The following DMD variants were observed in gnomAD, a reference collection of about 807,000 sequenced individuals.
DMD encodes the protein mutant dystrophin.
DMD carries 63 observed loss-of-function variants against 330.1 expected under a neutral mutation model. The observed-to-expected ratio is 0.19, with a 90% confidence interval of 0.16 to 0.24. The LOEUF (loss-of-function observed/expected upper bound fraction) is 0.24. Among genes scored for constraint, DMD ranks in the 10% least tolerant of loss-of-function variants. DMD has a pLI of 1.00. For synonymous variants in DMD, 1,223 were observed against 959.8 expected (o/e 1.27, Z -5.07); for missense variants, 3,344 against 2,684.1 (o/e 1.25, Z -5.43).
In DMD at chrX:32,827,706, A is replaced by G. The variant is rs777305052; in HGVS notation, c.265-4319T>C. On this transcript the variant is annotated intron_variant, in intron 4 of 78. Transcript: ENST00000357033. Reference sequence around the variant, plus strand: ...GTGGAGTTTCGCTCTTGTTGCCCAGACTGGAGTGCAGTGGCACGATCTCGG... The same window carrying G: ...GTGGAGTTTCGCTCTTGTTGCCCAGGCTGGAGTGCAGTGGCACGATCTCGG... Among the ~76,000 whole-genome samples, 71 of 101,284 alleles carry G rather than the reference A, an allele frequency of 7.0e-4. 1 individual carries two copies. Among genetic ancestry groups the G allele is most frequent in the African/African-American group, 2.4e-3 (65 of 26,970 alleles). 88.0% of individuals were successfully genotyped at this position (101,284 alleles called of 115,157 possible). A position where few individuals can be genotyped will look rare whatever the true frequency, so the allele number is the denominator to read the frequency against.
chrX:32,034,764 C>T lies in DMD; in HGVS notation c.6439-66250G>A, dbSNP rs369915934. Among the ~76,000 whole-genome samples the T allele has an allele frequency of 2.3e-4, 26 of 111,425 alleles. No homozygotes were observed. In the East Asian group the frequency reaches 4.8e-3, roughly 20 times the overall value. ...ATTTTGCTTTTTTAACAAAAGCCAG[C>T]GTTACTGCCCAAAATGTAAATGTTC... On this transcript the variant is annotated intron_variant, in intron 44 of 78. Transcript: ENST00000357033.
intron 2 of DMD, among the ~76,000 whole-genome samples, chrX:32,879,007 CA>C (rs780431879): frequency 1.1e-4 from 7 of 65,755 alleles, no homozygotes; most frequent in South Asian, 6.9e-4. Flanking sequence ...GACTACGTCT[CA>C]AAAAAAAAAC....
chrX:32,886,406 G>C (rs927587491), intron 2 of DMD, among the ~76,000 whole-genome samples: 1 of 110,837 alleles, frequency 9.0e-6, no homozygotes, highest in Admixed American at 9.6e-5. Context: ...TATCCTGGCT[G>C]GGCACGGTGG....
chrX:32,594,540 A>G (rs1017007981), intron 13 of DMD, among the ~76,000 whole-genome samples: 12 of 111,188 alleles, frequency 1.1e-4, no homozygotes, highest in African/African-American at 2.9e-4. Context: ...CTTTCCTGTA[A>G]TTCTTCTAAT....
upstream of DMD, among the ~76,000 whole-genome samples, chrX:33,214,626 C>T (rs917269406): frequency 2.7e-5 from 3 of 111,375 alleles, no homozygotes; most frequent in African/African-American, 6.5e-5. Context: ...TTCCAAAACC[C>T]GTTCTTTTCC....
At chrX:32,685,685 T>C (rs2062806457) in intron 9 of DMD, among the ~76,000 whole-genome samples, 1 of 111,692 alleles carries the variant, frequency 9.0e-6, no homozygotes, top group African/African-American at 3.2e-5. Flanking sequence ...AGCTTGAAAA[T>C]CTGGATTTGC....
rs772126874 is a variant in DMD, at chrX:31,790,744, G to A, written c.7310-16552C>T. 2.7e-5 allele frequency among the ~76,000 whole-genome samples: 3 copies of A among 111,091 alleles called. No homozygotes were observed. In the South Asian group the frequency reaches 1.1e-3, roughly 42 times the overall value. ...CCAACAAGAGATCAAATGAGGACTA[G>A]ATCCCAGGTTTATTAATTCCCAATC... On this transcript the variant is annotated intron_variant, in intron 50 of 78. Coordinates refer to ENST00000357033, the MANE Select transcript of DMD (RefSeq NM_004006.3).
chrX:32,803,378 C>G (rs143407595), intron 7 of DMD, among the ~76,000 whole-genome samples: 1 of 108,725 alleles, frequency 9.2e-6, no homozygotes, highest in African/African-American at 3.4e-5. Context: ...TTTAGTCTGG[C>G]TAGCCATCTA....
Position 32,476,752 on chromosome X carries a change from G to A in DMD, c.2804-4443C>T, listed in dbSNP as rs758303765. On this transcript the variant is annotated intron_variant, in intron 21 of 78. Coordinates refer to ENST00000357033, the MANE Select transcript of DMD (RefSeq NM_004006.3). ...TATACAGAAGCTAATGTACCCAAGG[G>A]CAAACACAGTATGAGCTGCCCCACC... 2.7e-5 allele frequency among the ~76,000 whole-genome samples: 3 copies of A among 111,454 alleles called. No individual in the cohort carries two copies. In the South Asian group the frequency reaches 1.1e-3, roughly 42 times the overall value.
At chrX:32,559,540 G>C (rs1471727321) in intron 16 of DMD, among the ~76,000 whole-genome samples, 2 of 111,335 alleles carry the variant, frequency 1.8e-5, no homozygotes, top group African/African-American at 6.5e-5. Flanking sequence ...CAAACCATTT[G>C]CAACTATATC....
At chrX:32,748,595 T>C (rs780854742) in intron 7 of DMD, among the ~76,000 whole-genome samples, 4 of 111,522 alleles carry the variant, frequency 3.6e-5, no homozygotes, top group South Asian at 3.7e-4. Context: ...ATTACATGTA[T>C]TATTAAAGGG....
chrX:32,630,601 T>TTC (rs1215575395), intron 11 of DMD, among the ~76,000 whole-genome samples: 1 of 111,698 alleles, frequency 9.0e-6, no homozygotes, highest in Non-Finnish European at 1.9e-5. Flanking sequence ...TGATCAATTC[T>TTC]TCTGTTACTC....
At chrX:33,070,331 G>A (rs1415790646) in intron 1 of DMD, among the ~76,000 whole-genome samples, 1 of 110,564 alleles carries the variant, frequency 9.0e-6, no homozygotes, top group Non-Finnish European at 1.9e-5. Flanking sequence ...AATAAAAAAT[G>A]TTGTCAGGGA....
At chrX:32,728,561 G>C (rs749398398) in intron 7 of DMD, among the ~76,000 whole-genome samples, 1 of 111,834 alleles carries the variant, frequency 8.9e-6, no homozygotes, top group African/African-American at 3.2e-5. Flanking sequence ...TAAATGTCAT[G>C]TTAATATTCT....
chrX:32,163,070 A>T (rs1198971932), intron 44 of DMD, among the ~76,000 whole-genome samples: 14 of 111,137 alleles, frequency 1.3e-4, no homozygotes, highest in Non-Finnish European at 1.9e-5. Context: ...TCCAAAACAA[A>T]ATTATTGCTT....
At chrX:32,436,890 C>G (rs1045814807) in intron 29 of DMD, among the ~76,000 whole-genome samples, 2 of 109,420 alleles carry the variant, frequency 1.8e-5, no homozygotes, top group Non-Finnish European at 1.9e-5. Context: ...GAGGTCGAGG[C>G]TACAGTGAGC....
At chrX:32,470,713 A>C (rs754048510) in intron 22 of DMD, among the ~76,000 whole-genome samples, 1 of 111,811 alleles carries the variant, frequency 8.9e-6, no homozygotes, top group South Asian at 3.7e-4. Flanking sequence ...AAAAAAGGTG[A>C]AACAGCTACC....
chrX:32,249,952 A>G (rs1481490663), intron 43 of DMD, among the ~76,000 whole-genome samples: 1 of 108,344 alleles, frequency 9.2e-6, no homozygotes, highest in African/African-American at 3.4e-5. Flanking sequence ...AACTTCCTTC[A>G]TTTTCTGATT....
intron 1 of DMD, among the ~76,000 whole-genome samples, chrX:33,125,489 TAA>T (rs1569555899): frequency 8.9e-6 from 1 of 111,901 alleles, no homozygotes; most frequent in Non-Finnish European, 1.9e-5. Context: ...TAAATTTCAT[TAA>T]AAGTCAATTA....
Sources: gnomAD v4.1 joint callset for allele counts (sites outside exome capture counted in the v4.1 genomes callset) on GRCh38, gnomAD v4.1.1 for gene constraint, MANE v1.5 for transcripts, NCBI Gene and HGNC (gene_info 2026-07-23, HGNC 2026-07-21) for gene names.